ACAD11: variants seen among roughly 807,000 people sequenced by gnomAD.
ACAD11 encodes acyl-CoA dehydrogenase family member 11.
ACAD11 carries 83 observed loss-of-function variants against 102.2 expected under a neutral mutation model. That is an observed-to-expected ratio of 0.81 (90% CI 0.68 to 0.97). The LOEUF is 0.97. Ranked by LOEUF, ACAD11 falls within the 50% of genes least tolerant of loss-of-function variation. The pLI, the probability that ACAD11 is intolerant of heterozygous loss-of-function variation, is 0.00. For synonymous variants in ACAD11, 324 were observed against 319.8 expected (o/e 1.01, Z -0.14); for missense variants, 901 against 951.7 (o/e 0.95, Z 0.70).
intron 11 of ACAD11, among the ~76,000 whole-genome samples, chr3:132,611,916 A>G (rs200073566): frequency 5.9e-5 from 9 of 151,992 alleles, no homozygotes; most frequent in African/African-American, 2.2e-4. Flanking sequence ...TGCATCGCCA[A>G]GTCAATCCTA....
At chr3:132,634,842 G>A (rs1940208733) in intron 5 of ACAD11, among the ~76,000 whole-genome samples, 1 of 143,852 alleles carries the variant, frequency 7.0e-6, no homozygotes, top group African/African-American at 2.5e-5. Flanking sequence ...ACTCATAGGT[G>A]GGAATTGAAC....
intron 13 of ACAD11, among the ~76,000 whole-genome samples, chr3:132,583,023 T>C (rs1467364682): frequency 2.0e-5 from 3 of 152,216 alleles, no homozygotes; most frequent in African/African-American, 7.2e-5. Context: ...TTTTTTGTTG[T>C]GTCTCTGCCA....
Position 132,558,793 on chromosome 3 carries a change from G to C in ACAD11, c.*178C>G. The C allele has an allele frequency of 1.8e-6, 1 of 563,996 alleles. No individual in the cohort carries two copies. Among genetic ancestry groups the C allele is most frequent in the Non-Finnish European group, 3.1e-6 (1 of 323,086 alleles). The allele number at this position is 563,996 out of a possible 1,614,324, so 34.9% of individuals were successfully genotyped here. On this transcript the variant is annotated 3_prime_UTR_variant, in exon 20 of 20. Coordinates refer to ENST00000264990, the MANE Select transcript of ACAD11 (RefSeq NM_032169.5). ...AGCATTTCTTACTGAACTTAACCCT[G>C]TGTGACCCTTGAAATAATAAAACCC...
In ACAD11 at chr3:132,572,784, G is replaced by A. The variant is rs143637958; in HGVS notation, c.2001+2988C>T. 6.8e-4 allele frequency among the ~76,000 whole-genome samples: 104 copies of A among 152,296 alleles called. 1 individual carries two copies. The highest frequency in any genetic ancestry group is 1.9e-3 in the African/African-American group (81 of 41,556). The stretch of plus-strand genomic sequence containing the variant: ...GACAAAGGTGACAAAAACAAGCAAT[G>A]GAGAAAGGACTCCCTTATTCAATAA... On this transcript the variant is annotated intron_variant, in intron 17 of 19. Coordinates refer to ENST00000264990, the MANE Select transcript of ACAD11 (RefSeq NM_032169.5).
At chr3:132,627,322 T>A (rs57632080) in intron 8 of ACAD11, among the ~76,000 whole-genome samples, 1 of 151,944 alleles carries the variant, frequency 6.6e-6, no homozygotes, top group Non-Finnish European at 1.5e-5. Flanking sequence ...GCCCTCCTCA[T>A]CCTTTAATGT....
At chr3:132,641,766 A>T (rs771156249) in intron 4 of ACAD11, among the ~76,000 whole-genome samples, 2 of 152,138 alleles carry the variant, frequency 1.3e-5, no homozygotes, top group African/African-American at 2.4e-5. Context: ...GAAAATTAAG[A>T]GTCTAAAACA....
intron 5 of ACAD11, among the ~76,000 whole-genome samples, chr3:132,634,342 A>G (rs1272919248): frequency 1.3e-5 from 2 of 152,230 alleles, no homozygotes; most frequent in Non-Finnish European, 2.9e-5. Flanking sequence ...AATGCAAATC[A>G]AAACCACAGT....
chr3:132,594,281 G>T (rs1327505045), intron 13 of ACAD11, among the ~76,000 whole-genome samples: 1 of 152,150 alleles, frequency 6.6e-6, no homozygotes, highest in Non-Finnish European at 1.5e-5. Context: ...GCTTATGGTT[G>T]TTGGGGGTGG....
intron 2 of ACAD11, among the ~76,000 whole-genome samples, chr3:132,644,263 CAT>C (rs1220218337): frequency 6.6e-6 from 1 of 152,088 alleles, no homozygotes; most frequent in Non-Finnish European, 1.5e-5. Flanking sequence ...TCTGAAAATC[CAT>C]AGATAATACC....
chr3:132,649,825 A>G (rs970618484), intron 1 of ACAD11: 1 of 152,244 alleles, frequency 6.6e-6, no homozygotes, highest in African/African-American at 2.4e-5. Context: ...AAATTGAGTG[A>G]GCAATGATGA....
At chr3:132,578,906 G>C (rs1331264627) in intron 14 of ACAD11, 25 bp from the exon 15 acceptor site, 2 of 1,610,318 alleles carry the variant, frequency 1.2e-6, no homozygotes, top group South Asian at 2.2e-5. Context: ...AATTGTATTA[G>C]AAAAAGTTTG....
chr3:132,624,613 A>AG (rs398106463), intron 9 of ACAD11, among the ~76,000 whole-genome samples: 2 of 142,990 alleles, frequency 1.4e-5, no homozygotes, highest in African/African-American at 5.2e-5. Context: ...AAAAAAAAAA[A>AG]GCCAAAACAT....
intron 17 of ACAD11, among the ~76,000 whole-genome samples, chr3:132,572,873 T>G (rs1937421535): frequency 6.6e-6 from 1 of 152,186 alleles, no homozygotes; most frequent in African/African-American, 2.4e-5. Context: ...TCCTTACATC[T>G]TAGCCATTTT....
intron 13 of ACAD11, among the ~76,000 whole-genome samples, chr3:132,586,314 G>A (rs1221189665): frequency 6.6e-6 from 1 of 152,088 alleles, no homozygotes; most frequent in African/African-American, 2.4e-5. Context: ...ACACAGGAAG[G>A]GGAACATCAC....
At chr3:132,571,026 A>G (rs1212268347) in intron 17 of ACAD11, among the ~76,000 whole-genome samples, 1 of 152,216 alleles carries the variant, frequency 6.6e-6, no homozygotes, top group African/African-American at 2.4e-5. Flanking sequence ...GTATATATCC[A>G]GTAATGGAAT....
At position 132,656,807 on chromosome 3, in the gene ACAD11, T is replaced by A. The variant is rs372300325; in HGVS notation, c.149+2796A>T. On this transcript the variant is annotated intron_variant, in intron 1 of 19. Coordinates refer to ENST00000264990, the MANE Select transcript of ACAD11 (RefSeq NM_032169.5). ...GCACCCAGTCTATTGTCAGATTTTT[T>A]AAAAGTCAATTTGGTGGTGTGAAAT... Among the ~76,000 whole-genome samples, 111 of 152,158 alleles carry A rather than the reference T, an allele frequency of 7.3e-4. 1 individual carries two copies. Among genetic ancestry groups the A allele is most frequent in the African/African-American group, 2.6e-3 (106 of 41,516 alleles).
intron 17 of ACAD11, among the ~76,000 whole-genome samples, chr3:132,569,456 T>C (rs755093033): frequency 6.6e-6 from 1 of 152,156 alleles, no homozygotes; most frequent in Non-Finnish European, 1.5e-5. Flanking sequence ...GACACAGTAA[T>C]TGCACTCGTG....
intron 11 of ACAD11, among the ~76,000 whole-genome samples, chr3:132,615,225 T>C (rs1421203575): frequency 2.0e-5 from 3 of 151,332 alleles, no homozygotes; most frequent in Non-Finnish European, 4.4e-5. Context: ...ACACTGTTGG[T>C]GGGAGTGTAA....
intron 9 of ACAD11, among the ~76,000 whole-genome samples, chr3:132,623,661 G>A (rs566343603): frequency 1.3e-5 from 2 of 152,128 alleles, no homozygotes; most frequent in East Asian, 3.9e-4. Flanking sequence ...GCTATAGGCT[G>A]CTTTTTTATT....
Sources: allele counts gnomAD v4.1 joint callset (sites outside exome capture counted in the v4.1 genomes callset), GRCh38; gene constraint gnomAD v4.1.1; transcripts MANE v1.5; gene names NCBI Gene and HGNC (gene_info 2026-07-23, HGNC 2026-07-21).